The following PTPRN2 variants were observed in gnomAD, a reference collection of about 807,000 sequenced individuals.
PTPRN2 encodes protein tyrosine phosphatase receptor type N2.
PTPRN2 carries 74 observed loss-of-function variants against 118.8 expected under a neutral mutation model. The ratio of observed to expected loss-of-function variants is 0.62; its 90% CI spans 0.52 to 0.76. PTPRN2 has a LOEUF of 0.76. Among genes scored for constraint, PTPRN2 ranks in the 30% least tolerant of loss-of-function variants. The probability of loss-of-function intolerance (pLI) is 0.00; values close to 1 mark genes in which losing one functional copy is unlikely to be tolerated. For synonymous variants in PTPRN2, 641 were observed against 608.0 expected (o/e 1.05, Z -0.80); for missense variants, 1,481 against 1,394.4 (o/e 1.06, Z -0.99).
intron 12 of PTPRN2, among the ~76,000 whole-genome samples, chr7:157,769,029 A>C (rs888034167): frequency 6.6e-6 from 1 of 152,252 alleles, no homozygotes; most frequent in South Asian, 2.1e-4. Flanking sequence ...CAGCATAAAA[A>C]TATGGCCGTA....
chr7:158,379,613 G>A (rs1426846856), intron 2 of PTPRN2, among the ~76,000 whole-genome samples: 1 of 151,696 alleles, frequency 6.6e-6, no homozygotes, highest in Admixed American at 6.6e-5. Context: ...AGATGGAGAA[G>A]ACTCCACATT....
chr7:158,293,217 C>A (rs753900310), intron 3 of PTPRN2, among the ~76,000 whole-genome samples: 3 of 152,164 alleles, frequency 2.0e-5, no homozygotes, highest in Non-Finnish European at 2.9e-5. Flanking sequence ...AGACTATCAA[C>A]ACTGTATACT....
At chr7:158,340,911 C>A (rs1211037396) in intron 2 of PTPRN2, among the ~76,000 whole-genome samples, 1 of 84,932 alleles carries the variant, frequency 1.2e-5, no homozygotes, top group African/African-American at 4.3e-5. Context: ...CGAAGTCAGT[C>A]ACACCCACAC....
chr7:158,039,166 C>A lies in PTPRN2; in HGVS notation c.1723+42132G>T, dbSNP rs562281597. On this transcript the variant is annotated intron_variant, in intron 11 of 22. Transcript: ENST00000389418. ...TGCCATAGTTACATATAAACTAGAT[C>A]TAAAGGTATCTGCGTGGATAAATCC... Among the ~76,000 whole-genome samples the A allele has an allele frequency of 5.3e-5, 8 of 152,292 alleles. No individual in the cohort carries two copies. In the South Asian group the frequency reaches 1.5e-3, roughly 28 times the overall value.
rs1286549136 is a variant in PTPRN2, at chr7:157,801,784, A to G, written c.1788+96889T>C. 6.6e-6 allele frequency among the ~76,000 whole-genome samples: 1 copy of G among 152,200 alleles called. No individual in the cohort carries two copies. The highest frequency in any genetic ancestry group is 1.5e-5 in the Non-Finnish European group (1 of 68,036). ...GAAAACGCCCGCTTAGTGGAAGAACAGAACGGCCGCACAGAAAGTGCTTGG... is the reference window on the plus strand; with the variant it reads ...GAAAACGCCCGCTTAGTGGAAGAACGGAACGGCCGCACAGAAAGTGCTTGG... On this transcript the variant is annotated intron_variant, in intron 12 of 22. Transcript: ENST00000389418. The surrounding 1 kb of genome is among the most constrained non-coding windows in gnomAD (Gnocchi z 4.2).
intron 1 of PTPRN2, among the ~76,000 whole-genome samples, chr7:158,528,621 C>T (rs1246134213): frequency 6.7e-6 from 1 of 148,856 alleles, no homozygotes; most frequent in Non-Finnish European, 1.5e-5. Context: ...CCCGTCTCTA[C>T]TAAAAATACA....
At chr7:157,738,380 G>A (rs755492702) in intron 12 of PTPRN2, among the ~76,000 whole-genome samples, 2 of 152,176 alleles carry the variant, frequency 1.3e-5, no homozygotes, top group African/African-American at 2.4e-5. Context: ...GCAGAGGAGC[G>A]AAGGGAGGAG....
intron 5 of PTPRN2, among the ~76,000 whole-genome samples, chr7:158,188,597 T>G (rs35384756): frequency 0.45 from 14,120 of 31,158 alleles, 4,455 homozygotes; most frequent in East Asian, 0.59. Flanking sequence ...CGCCCCCTGA[T>G]GGGGAAGCCC....
intron 2 of PTPRN2, among the ~76,000 whole-genome samples, chr7:158,330,902 G>A (rs12113853): frequency 0.74 from 50,432 of 67,956 alleles, 22,798 homozygotes; most frequent in Non-Finnish European, 0.83. Flanking sequence ...CACCATAAGA[G>A]CTGACACCTG....
intron 14 of PTPRN2, among the ~76,000 whole-genome samples, chr7:157,653,397 C>T (rs1052284744): frequency 2.8e-4 from 43 of 152,190 alleles, no homozygotes; most frequent in African/African-American, 9.2e-4. Flanking sequence ...TGCTGGATCA[C>T]CACGGAATTG....
intron 12 of PTPRN2, among the ~76,000 whole-genome samples, chr7:157,735,843 C>T (rs1261177056): frequency 5.9e-5 from 9 of 152,274 alleles, no homozygotes; most frequent in East Asian, 5.8e-4. Context: ...AGGAGGCCCC[C>T]GTGAGGCTGG....
intron 12 of PTPRN2, among the ~76,000 whole-genome samples, chr7:157,734,197 T>C (rs113162481): frequency 0.22 from 11,649 of 53,720 alleles, 3,225 homozygotes; most frequent in Non-Finnish European, 0.34. Flanking sequence ...GTTACTCTTT[T>C]CCGTCCCATG....
chr7:158,510,669 T>C (rs2129446999), intron 1 of PTPRN2, among the ~76,000 whole-genome samples: 1 of 152,324 alleles, frequency 6.6e-6, no homozygotes, highest in South Asian at 2.1e-4. Flanking sequence ...TCCTATTTGA[T>C]AAAAAATACT....
At position 157,980,739 on chromosome 7, in the gene PTPRN2, CA is replaced by C. The variant is rs1362805560; in HGVS notation, c.1724-82003del. Among the ~76,000 whole-genome samples, 5 of 152,304 alleles carry C rather than the reference CA, an allele frequency of 3.3e-5. No individual in the cohort carries two copies. In the East Asian group the frequency reaches 9.6e-4, roughly 29 times the overall value. ...CTGCACTCCAGCCTGAGCAACAGAG[CA>C]AGACTCCATCTCAAAAAAATAAATA... On this transcript the variant is annotated intron_variant, in intron 11 of 22. Coordinates refer to ENST00000389418, the MANE Select transcript of PTPRN2 (RefSeq NM_002847.5).
rs1797429345 is a variant in PTPRN2 at position 157,690,614 on chromosome 7, C to A, written c.1789-7677G>T. Among the ~76,000 whole-genome samples, 1 of 151,598 alleles carries A rather than the reference C, an allele frequency of 6.6e-6. No individual in the cohort carries two copies. Among genetic ancestry groups the A allele is most frequent in the Admixed American group, 6.6e-5 (1 of 15,222 alleles). ...AGGTGGGGGCGTGCGCCGGGCCGAG[C>A]GGCCTCGGGGCGCAGCAGCTGCGGG... On this transcript the variant is annotated intron_variant, in intron 12 of 22. Coordinates refer to ENST00000389418, the MANE Select transcript of PTPRN2 (RefSeq NM_002847.5). This position sits in a 1 kb window ranked among gnomAD's most constrained non-coding sequence, Gnocchi z 7.1.
At chr7:158,099,001 C>CA (rs1814930414) in intron 10 of PTPRN2, among the ~76,000 whole-genome samples, 1 of 25,912 alleles carries the variant, frequency 3.9e-5, no homozygotes. Context: ...CCTCCCCTTC[C>CA]TCCCCCAACA....
At chr7:158,330,749 ACT>A (rs1388666329) in intron 2 of PTPRN2, among the ~76,000 whole-genome samples, 1 of 110,812 alleles carries the variant, frequency 9.0e-6, no homozygotes, top group African/African-American at 3.1e-5. Context: ...TCACACCCAC[ACT>A]CTCACCATAA....
intron 9 of PTPRN2, among the ~76,000 whole-genome samples, chr7:158,126,282 G>C (rs1431341621): frequency 1.4e-4 from 1 of 7,294 alleles, no homozygotes; most frequent in African/African-American, 6.4e-4. Flanking sequence ...CCAGGACAGC[G>C]GGCGGCGGAA....
chr7:158,268,079 G>A (rs561789364), intron 3 of PTPRN2, among the ~76,000 whole-genome samples: 87 of 152,272 alleles, frequency 5.7e-4, no homozygotes, highest in African/African-American at 2.0e-3. Context: ...TTCAAGGCAC[G>A]AGATCCTCAG....
Sources: gnomAD v4.1 joint callset for allele counts (sites outside exome capture counted in the v4.1 genomes callset) on GRCh38, gnomAD v4.1.1 for gene constraint, Gnocchi (gnomAD v3.1) non-coding constraint, MANE v1.5 for transcripts, NCBI Gene and HGNC (gene_info 2026-07-23, HGNC 2026-07-21) for gene names.